MTUS2: variants seen among roughly 807,000 people sequenced by gnomAD.
The protein encoded by MTUS2 is microtubule-associated tumor suppressor candidate 2.
Under a neutral mutation model 114.1 loss-of-function variants are expected in MTUS2, and 40 were observed. That is an observed-to-expected ratio of 0.35 (90% confidence interval 0.27 to 0.46). The LOEUF is 0.46. MTUS2 is among the 20% of genes least tolerant of loss of function. The probability of loss-of-function intolerance (pLI) is 1.00; values close to 1 mark genes in which losing one functional copy is unlikely to be tolerated. For missense variants in MTUS2, 1,679 were observed against 1,705.4 expected (o/e 0.98, Z 0.27); for synonymous variants, 688 against 672.0 (o/e 1.02, Z -0.37).
At chr13:29,428,019 G>C (rs1051367318) in intron 8 of MTUS2, among the ~76,000 whole-genome samples, 1 of 152,172 alleles carries the variant, frequency 6.6e-6, no homozygotes, top group South Asian at 2.1e-4. Flanking sequence ...TTTTATGCCA[G>C]TTTGCCTAGG....
At chr13:29,186,907 A>G (rs969598820) in intron 5 of MTUS2, among the ~76,000 whole-genome samples, 1 of 152,198 alleles carries the variant, frequency 6.6e-6, no homozygotes, top group African/African-American at 2.4e-5. Context: ...AAAATTTTGC[A>G]AAGTATGTTA....
chr13:28,911,125 T>G (rs1477996698), intron 2 of MTUS2, among the ~76,000 whole-genome samples: 2 of 151,142 alleles, frequency 1.3e-5, no homozygotes, highest in Non-Finnish European at 2.9e-5. Flanking sequence ...TCTGCCCACC[T>G]TGGCCTCCCA....
chr13:29,268,061 A>G (rs1412715543), intron 5 of MTUS2, among the ~76,000 whole-genome samples: 2 of 152,164 alleles, frequency 1.3e-5, no homozygotes, highest in African/African-American at 2.4e-5. Context: ...GGTTTGTTAC[A>G]TAAGTATACA....
intron 1 of MTUS2, among the ~76,000 whole-genome samples, chr13:28,838,561 C>A (rs1344062576): frequency 6.6e-6 from 1 of 152,154 alleles, no homozygotes; most frequent in Admixed American, 6.5e-5. Context: ...CTTCCCCACG[C>A]TTCCCTCTGC....
chr13:29,197,328 T>G (rs1278191524), intron 5 of MTUS2, among the ~76,000 whole-genome samples: 1 of 152,146 alleles, frequency 6.6e-6, no homozygotes, highest in African/African-American at 2.4e-5. Context: ...GTGGTTGGTT[T>G]TCTGTTCCTG....
At position 29,344,967 on chromosome 13, in the gene MTUS2, G is replaced by A. The variant is rs544809139; in HGVS notation, c.2906-14295G>A. Among the ~76,000 whole-genome samples the A allele has an allele frequency of 5.9e-5, 9 of 152,238 alleles. No homozygotes were observed. The East Asian group carries it at 1.7e-3, about 30-fold the overall frequency. ...CATGGCTGACAATTGTTTTGTTTAA[G>A]GAGGCTAAAGGTAGGACCCCAATCC... On this transcript the variant is annotated intron_variant, in intron 7 of 15. Coordinates refer to ENST00000612955, the MANE Select transcript of MTUS2 (RefSeq NM_001033602.4).
intron 5 of MTUS2, among the ~76,000 whole-genome samples, chr13:29,175,408 C>T (rs1893731073): frequency 6.6e-6 from 1 of 152,142 alleles, no homozygotes; most frequent in East Asian, 1.9e-4. Context: ...CGTTCATAGG[C>T]AGTAACAGAG....
At chr13:29,287,552 CAT>C (rs960728727) in intron 6 of MTUS2, among the ~76,000 whole-genome samples, 52 of 152,272 alleles carry the variant, frequency 3.4e-4, no homozygotes, top group African/African-American at 1.0e-3. Flanking sequence ...TCACTGAACA[CAT>C]GTGTGTTACT....
chr13:28,994,403 T>G (rs1397722844), intron 2 of MTUS2, among the ~76,000 whole-genome samples: 1 of 152,216 alleles, frequency 6.6e-6, no homozygotes, highest in Non-Finnish European at 1.5e-5. Context: ...TTATAATCCT[T>G]TGGATATATA....
intron 9 of MTUS2, among the ~76,000 whole-genome samples, chr13:29,450,997 G>A (rs1878646787): frequency 6.6e-6 from 1 of 152,172 alleles, no homozygotes; most frequent in Admixed American, 6.5e-5. Context: ...GTTATGATTG[G>A]AGACTCCAGT....
chr13:29,208,178 A>G (rs1332905518), intron 5 of MTUS2, among the ~76,000 whole-genome samples: 1 of 152,056 alleles, frequency 6.6e-6, no homozygotes, highest in Non-Finnish European at 1.5e-5. Context: ...TATTTCCAGC[A>G]ATTTATCCAT....
At chr13:29,459,506 A>G (rs1184461952) in intron 9 of MTUS2, among the ~76,000 whole-genome samples, 4 of 151,902 alleles carry the variant, frequency 2.6e-5, no homozygotes, top group African/African-American at 4.8e-5. Flanking sequence ...CCCTAAGTCT[A>G]CCCTCCTGAC....
chr13:29,026,433 C>A lies in MTUS2; in HGVS notation c.1735C>A (p.Arg579Ser), dbSNP rs149038100. The change falls in exon 3 of 16, where the codon CGC (arginine) becomes AGC (serine). Residue 579 changes from arginine to serine, a missense_variant. Arg to Ser is a moderately radical substitution (Grantham distance 110). Around this residue, in one of 3 missense-constraint regions of MTUS2, gnomAD observed 843 missense variants for 770.8 expected, o/e 1.09. Transcript: ENST00000612955. ...AGTTCCACCCCCTACTGATAGTGCA[C>A]GCTTGTTGAACACGTCCCCCAAAGT... ...LVVPPPTDSA[R>S]LLNTSPKVPD... 2 of 1,613,952 alleles carry A rather than the reference C, an allele frequency of 1.2e-6. No homozygotes were observed. Among genetic ancestry groups the A allele is most frequent in the Non-Finnish European group, 1.7e-6 (2 of 1,179,888 alleles).
At chr13:29,112,258 A>T (rs1224895785) in intron 5 of MTUS2, among the ~76,000 whole-genome samples, 1 of 152,032 alleles carries the variant, frequency 6.6e-6, no homozygotes, top group African/African-American at 2.4e-5. Flanking sequence ...GGGGCAGGAG[A>T]TAGGAGACAG....
intron 5 of MTUS2, among the ~76,000 whole-genome samples, chr13:29,235,985 TC>T (rs1896521026): frequency 6.6e-6 from 1 of 152,196 alleles, no homozygotes; most frequent in Admixed American, 6.5e-5. Context: ...AACATATTGT[TC>T]TTAAAATTTT....
At chr13:29,093,069 C>G (rs895517262) in intron 4 of MTUS2, among the ~76,000 whole-genome samples, 1 of 152,122 alleles carries the variant, frequency 6.6e-6, no homozygotes, top group South Asian at 2.1e-4. Flanking sequence ...TAACAGCTTT[C>G]CCCGATATGG....
Position 29,114,760 on chromosome 13 carries a change from C to T in MTUS2, c.2644+13790C>T, listed in dbSNP as rs902324137. Among the ~76,000 whole-genome samples, 4 of 152,170 alleles carry T rather than the reference C, an allele frequency of 2.6e-5. No individual in the cohort carries two copies. In the South Asian group the frequency reaches 8.3e-4, roughly 32 times the overall value. On this transcript the variant is annotated intron_variant, in intron 5 of 15. Coordinates refer to ENST00000612955, the MANE Select transcript of MTUS2 (RefSeq NM_001033602.4). ...GCTCGCTTGCCCTGCCCTCCCCAGG[C>T]AGGGATGCAATGAGGGTCAGAGCTA...
At chr13:29,016,384 G>A (rs1886068121) in intron 2 of MTUS2, among the ~76,000 whole-genome samples, 1 of 150,796 alleles carries the variant, frequency 6.6e-6, no homozygotes, top group East Asian at 1.9e-4. Context: ...TGCTTGAAAT[G>A]CTTTTTGTTG....
intron 2 of MTUS2, among the ~76,000 whole-genome samples, chr13:28,864,583 C>T (rs1877185911): frequency 6.6e-6 from 1 of 152,218 alleles, no homozygotes. Context: ...GATAGCTTAA[C>T]AGTGGCCAAG....
Sources: gnomAD v4.1 joint callset for allele counts (sites outside exome capture counted in the v4.1 genomes callset) on GRCh38, gnomAD v4.1.1 for gene constraint, gnomAD v4.1.1 regional missense constraint, MANE v1.5 for transcripts, NCBI Gene and HGNC (gene_info 2026-07-23, HGNC 2026-07-21) for gene names.